The following PLG variants were observed in gnomAD, a reference collection of about 807,000 sequenced individuals.
PLG encodes plasminogen, also known as plasmin.
PLG carries 41 observed loss-of-function variants against 104.4 expected under a neutral mutation model. The observed-to-expected ratio is 0.39, with a 90% confidence interval of 0.31 to 0.51. The LOEUF is 0.51. PLG is among the 20% of genes least tolerant of loss of function. The pLI is 0.76. For synonymous variants in PLG, 337 were observed against 357.1 expected, an observed-to-expected ratio of 0.94 and a Z score of 0.63; for missense variants, 891 against 1,003.6, an observed-to-expected ratio of 0.89 and a Z score of 1.52.
Position 160,740,202 on chromosome 6 carries a change from G to A in PLG, c.2018+994G>A, listed in dbSNP as rs1306724401. ...GCTTCTCTGGGTCTGTGAACTGAGGGGTGATGTCCTGGGATGCTCTGACAC... is the reference window on the plus strand; with the variant it reads ...GCTTCTCTGGGTCTGTGAACTGAGGAGTGATGTCCTGGGATGCTCTGACAC... On this transcript the variant is annotated intron_variant, in intron 16 of 18. Coordinates refer to ENST00000308192, the MANE Select transcript of PLG (RefSeq NM_000301.5). This position sits in a 1 kb window ranked among gnomAD's most constrained non-coding sequence, Gnocchi z 5.2. Among the ~76,000 whole-genome samples the A allele has an allele frequency of 1.3e-5, 2 of 152,178 alleles. No homozygotes were observed. Among genetic ancestry groups the A allele is most frequent in the Non-Finnish European group, 2.9e-5 (2 of 68,032 alleles).
In PLG at chr6:160,752,563, G is replaced by C. The variant is rs987226376; in HGVS notation, c.2271+303G>C. ...ACTAAAGTGGTGACTTTTCCGGTAG[G>C]GAAGGAGGTAGAGGATACAGGACAG... On this transcript the variant is annotated intron_variant, in intron 18 of 18. Coordinates refer to ENST00000308192, the MANE Select transcript of PLG (RefSeq NM_000301.5). The surrounding 1 kb of genome is among the most constrained non-coding windows in gnomAD (Gnocchi z 4.7). 6.6e-6 allele frequency among the ~76,000 whole-genome samples: 1 copy of C among 152,136 alleles called. No homozygotes were observed. Among genetic ancestry groups the C allele is most frequent in the Non-Finnish European group, 1.5e-5 (1 of 68,032 alleles).
intron 3 of PLG, chr6:160,708,127 T>C (rs1777566061): frequency 3.8e-6 from 1 of 260,432 alleles, no homozygotes; most frequent in Admixed American, 5.1e-5. Context: ...AGTCTAAGCA[T>C]TCCTTTTGGT....
rs375048397 is a variant in PLG, at chr6:160,741,445, C to T, written c.2125+28C>T. The T allele has an allele frequency of 7.5e-5, 103 of 1,370,400 alleles. No homozygotes were observed. Among genetic ancestry groups the T allele is most frequent in the Middle Eastern group, 1.8e-4 (1 of 5,600 alleles). 84.9% of individuals were successfully genotyped at this position (1,370,400 alleles called of 1,614,324 possible). On this transcript the variant is annotated intron_variant, in intron 17 of 18. Transcript: ENST00000308192. This position sits in a 1 kb window ranked among gnomAD's most constrained non-coding sequence, Gnocchi z 4.7. The stretch of plus-strand genomic sequence containing the variant: ...GAGATAAATTCCATTGCCCACATAA[C>T]GAATTGGTTTTGACCTACAGTCCAT...
In PLG at chr6:160,744,753, G is replaced by A. The variant is rs897868136; in HGVS notation, c.2125+3336G>A. Among the ~76,000 whole-genome samples the A allele has an allele frequency of 6.6e-6, 1 of 152,096 alleles. No individual in the cohort carries two copies. The highest frequency in any genetic ancestry group is 1.5e-5 in the Non-Finnish European group (1 of 67,998). On this transcript the variant is annotated intron_variant, in intron 17 of 18. Coordinates refer to ENST00000308192, the MANE Select transcript of PLG (RefSeq NM_000301.5). This position sits in a 1 kb window ranked among gnomAD's most constrained non-coding sequence, Gnocchi z 4.5. ...CTAATTTTTTCCATTGTGATGTTAG[G>A]TTCTTAATTTGAGATCTTTCTTCTT...
chr6:160,723,617 G>A lies in PLG; in HGVS notation c.1256+1050G>A, dbSNP rs142253931. On this transcript the variant is annotated intron_variant, in intron 10 of 18. Coordinates refer to ENST00000308192, the MANE Select transcript of PLG (RefSeq NM_000301.5). This position sits in a 1 kb window ranked among gnomAD's most constrained non-coding sequence, Gnocchi z 4.7. ...TAATAACATGAAAGGAAACATTGTG[G>A]AGGAAAGCAGCTCCAGGAATGTCCA... Among the ~76,000 whole-genome samples, 176 of 152,290 alleles carry A rather than the reference G, an allele frequency of 1.2e-3. No individual in the cohort carries two copies. Among genetic ancestry groups the A allele is most frequent in the African/African-American group, 4.1e-3 (169 of 41,566 alleles).
intron 5 of PLG, 55 bp downstream of exon 5, chr6:160,713,180 T>C (rs1175720967): frequency 2.1e-6 from 3 of 1,410,360 alleles, no homozygotes; most frequent in African/African-American, 2.8e-5. Flanking sequence ...TGTAAAATAA[T>C]TTGTTGTAAA....
chr6:160,712,896 G>C (rs1230467395), intron 4 of PLG, 90 bp from the exon 5 acceptor site: 6 of 954,410 alleles, frequency 6.3e-6, no homozygotes, highest in African/African-American at 4.8e-5. Flanking sequence ...GACAATCTCA[G>C]ATGGGAATCG....
chr6:160,711,645 G>T (rs2115156703), intron 4 of PLG: 1 of 1,610,588 alleles, frequency 6.2e-7, no homozygotes, highest in East Asian at 2.2e-5. Flanking sequence ...GAACATGGTT[G>T]CTTTCTATTT....
Position 160,726,070 on chromosome 6 carries a change from A to C in PLG, c.1256+3503A>C, listed in dbSNP as rs116338057. On this transcript the variant is annotated intron_variant, in intron 10 of 18. Transcript: ENST00000308192. This position sits in a 1 kb window ranked among gnomAD's most constrained non-coding sequence, Gnocchi z 4.4. ...ACAAAATATAATAGAAAAAATACAC[A>C]AAAAAATCAGAAAGAATATATATGT... 0.032 allele frequency among the ~76,000 whole-genome samples: 4,918 copies of C among 152,186 alleles called. 256 individuals are homozygous for C. The highest frequency in any genetic ancestry group is 0.11 in the African/African-American group (4,492 of 41,522).
chr6:160,722,634 C>T (rs900610546), intron 10 of PLG, 67 bp downstream of exon 10: 1 of 1,445,024 alleles, frequency 6.9e-7, no homozygotes, highest in African/African-American at 1.4e-5. Context: ...AAGAGCCATG[C>T]TTCATGCTTC....
chr6:160,706,461 G>A lies in PLG; in HGVS notation c.104G>A (p.Ser35Asn). The A allele has an allele frequency of 1.9e-6, 3 of 1,613,848 alleles. No homozygotes were observed. The highest frequency in any genetic ancestry group is 2.5e-6 in the Non-Finnish European group (3 of 1,179,756). The change falls in exon 2 of 19, where the codon AGT becomes AAT. Residue 35 changes from serine (S) to asparagine (N), a missense_variant. By Grantham distance (46) the Ser-to-Asn change is conservative. Around this residue, in one of 2 missense-constraint regions of PLG, gnomAD observed 854 missense variants for 932.1 expected, o/e 0.92. Coordinates refer to ENST00000308192, the MANE Select transcript of PLG (RefSeq NM_000301.5). ...AATACCCAGGGGGCTTCACTGTTCA[G>A]TGTCACTAAGAAGCAGCTGGGAGCA... ...YVNTQGASLF[S>N]VTKKQLGAGS...
At chr6:160,714,724 T>A in intron 5 of PLG, 70 bp from the exon 6 acceptor site, 4 of 1,525,182 alleles carry the variant, frequency 2.6e-6, no homozygotes, top group Non-Finnish European at 3.6e-6. Flanking sequence ...TTCTGGTTTT[T>A]ACTCTCTATT....
chr6:160,736,836 A>G lies in PLG; in HGVS notation c.1682-51A>G, dbSNP rs762123744. On this transcript the variant is annotated intron_variant, in intron 13 of 18. Coordinates refer to ENST00000308192, the MANE Select transcript of PLG (RefSeq NM_000301.5). The surrounding 1 kb of genome is among the most constrained non-coding windows in gnomAD (Gnocchi z 5.2). ...TGGAATTTGTCTCGAATTACACCAC[A>G]AAATTGCTACCTTGTCTCAAATGGG... The G allele has an allele frequency of 2.4e-5, 38 of 1,611,268 alleles. No homozygotes were observed. Among genetic ancestry groups the G allele is most frequent in the Non-Finnish European group, 3.1e-5 (37 of 1,178,188 alleles).
In PLG at chr6:160,740,378, A is replaced by C. The variant is rs907627814; in HGVS notation, c.2019-933A>C. 2.0e-5 allele frequency among the ~76,000 whole-genome samples: 3 copies of C among 152,292 alleles called. No homozygotes were observed. In the South Asian group the frequency reaches 6.2e-4, roughly 32 times the overall value. On this transcript the variant is annotated intron_variant, in intron 16 of 18. Transcript: ENST00000308192. This position sits in a 1 kb window ranked among gnomAD's most constrained non-coding sequence, Gnocchi z 5.2. ...ATCCTCAGAGAGCTGGGGTGTTCTG[A>C]TGGCTTGAACAAGTAATTTGGAAAT...
At chr6:160,712,911 C>T (rs972821460) in intron 4 of PLG, 75 bp from the exon 5 acceptor site, 2 of 1,064,050 alleles carry the variant, frequency 1.9e-6, no homozygotes, top group Non-Finnish European at 2.9e-6. Flanking sequence ...GAATCGAGAG[C>T]ATCTCCTTCT....
intron 17 of PLG, among the ~76,000 whole-genome samples, chr6:160,746,199 T>C (rs1056588430): frequency 6.6e-6 from 1 of 152,166 alleles, no homozygotes; most frequent in African/African-American, 2.4e-5. Context: ...GAAGTTTTCA[T>C]GGACAATATC....
chr6:160,752,787 T>G lies in PLG; in HGVS notation c.2272-113T>G. The G allele has an allele frequency of 7.6e-7, 1 of 1,315,872 alleles. No individual in the cohort carries two copies. The highest frequency in any genetic ancestry group is 1.1e-6 in the Non-Finnish European group (1 of 913,348). The allele number at this position is 1,315,872 out of a possible 1,614,324, so 81.5% of individuals were successfully genotyped here. The stretch of plus-strand genomic sequence containing the variant: ...CTTGAGTAATATGCTCATAAGTTCC[T>G]TTCTGATTTCAATTACTGGGAAAAT... On this transcript the variant is annotated intron_variant, in intron 18 of 18. Transcript: ENST00000308192. The surrounding 1 kb of genome is among the most constrained non-coding windows in gnomAD (Gnocchi z 4.7).
rs1451488830 is a variant in PLG, at chr6:160,740,677, G to T, written c.2019-634G>T. On this transcript the variant is annotated intron_variant, in intron 16 of 18. Transcript: ENST00000308192. The surrounding 1 kb of genome is among the most constrained non-coding windows in gnomAD (Gnocchi z 5.2). ...CTTGAACTTACTAAAGTAGAATCAGGTCTAAAAACCGGAGTTCTAATGTTT... is the reference window on the plus strand; with the variant it reads ...CTTGAACTTACTAAAGTAGAATCAGTTCTAAAAACCGGAGTTCTAATGTTT... 6.6e-6 allele frequency among the ~76,000 whole-genome samples: 1 copy of T among 152,284 alleles called. No individual in the cohort carries two copies. The highest frequency in any genetic ancestry group is 2.4e-5 in the African/African-American group (1 of 41,554).
Position 160,718,319 on chromosome 6 carries a change from C to T in PLG, c.813C>T (p.Pro271=), listed in dbSNP as rs774956297. The T allele has an allele frequency of 1.1e-5, 17 of 1,613,840 alleles. No individual in the cohort carries two copies. The highest frequency in any genetic ancestry group is 1.4e-5 in the Non-Finnish European group (17 of 1,179,780). Residue 271 remains proline, a synonymous_variant, in exon 8 of 19, where the codon CCC becomes CCT. Transcript: ENST00000308192. ...RCTTPPPSSG[P]TYQCLKGTGE... ...CAACACCTCCACCATCTTCTGGTCC[C>T]ACCTACCAGTGTCTGAAGGGAACAG...
Sources: gnomAD v4.1 joint callset for allele counts (sites outside exome capture counted in the v4.1 genomes callset) on GRCh38, gnomAD v4.1.1 for gene constraint, gnomAD v4.1.1 regional missense constraint, Gnocchi (gnomAD v3.1) non-coding constraint, MANE v1.5 for transcripts, NCBI Gene and HGNC (gene_info 2026-07-23, HGNC 2026-07-21) for gene names.